The following RASEF variants were observed in gnomAD, a reference collection of about 807,000 sequenced individuals.
RASEF encodes ras and EF-hand domain-containing protein.
In RASEF, 68 loss-of-function variants were observed where a neutral mutation model predicts 90.1. That is an observed-to-expected ratio of 0.75 (90% CI 0.62 to 0.92). RASEF has a LOEUF of 0.92. RASEF is among the 40% of genes least tolerant of loss of function. The pLI is 0.00. For synonymous variants in RASEF, 331 were observed against 345.2 expected, an observed-to-expected ratio of 0.96 and a Z score of 0.46; for missense variants, 949 against 937.2, an observed-to-expected ratio of 1.01 and a Z score of -0.16.
the RASEF span, among the ~76,000 whole-genome samples, chr9:83,128,710 C>A: frequency 6.6e-6 from 1 of 152,110 alleles, no homozygotes; most frequent in Non-Finnish European, 1.5e-5. Context: ...AACTCAGGAA[C>A]CACCAAACGT....
chr9:83,176,306 C>G, the RASEF span, among the ~76,000 whole-genome samples: 1 of 152,156 alleles, frequency 6.6e-6, no homozygotes, highest in Admixed American at 6.5e-5. Context: ...TTAGTCTAGC[C>G]ACTCTAGCTT....
chr9:83,048,239 G>A (rs1829968341), intron 1 of RASEF: 2 of 985,352 alleles, frequency 2.0e-6, no homozygotes, highest in Non-Finnish European at 2.4e-6. Flanking sequence ...ATTGATGCTG[G>A]ACTACAAAAG....
At chr9:82,991,917 C>T (rs758040457) in intron 15 of RASEF, among the ~76,000 whole-genome samples, 2 of 152,150 alleles carry the variant, frequency 1.3e-5, no homozygotes, top group African/African-American at 4.8e-5. Context: ...GTAAACAATA[C>T]GAGGGCAAGG....
chr9:83,198,947 A>G, the RASEF span, among the ~76,000 whole-genome samples: 1 of 152,332 alleles, frequency 6.6e-6, no homozygotes, highest in African/African-American at 2.4e-5. Context: ...AACTGCCACA[A>G]AAGCCACTCT....
chr9:83,016,068 C>T (rs943544881), intron 3 of RASEF, among the ~76,000 whole-genome samples, 168 bp from the exon 4 acceptor site: 4 of 152,074 alleles, frequency 2.6e-5, no homozygotes, highest in African/African-American at 7.2e-5. Flanking sequence ...TCAGATGTAC[C>T]ACAATTTTGG....
chr9:83,116,540 A>T, the RASEF span, among the ~76,000 whole-genome samples: 1 of 152,200 alleles, frequency 6.6e-6, no homozygotes, highest in Non-Finnish European at 1.5e-5. Flanking sequence ...AGAAGGGTAT[A>T]ATCAAAGTAG....
the RASEF span, among the ~76,000 whole-genome samples, chr9:83,162,891 T>C: frequency 6.6e-6 from 1 of 152,218 alleles, no homozygotes; most frequent in Admixed American, 6.5e-5. Flanking sequence ...CACACATGGT[T>C]GAACTTTACC....
rs751669186 is a variant in RASEF at position 82,997,016 on chromosome 9, A to G, written c.1916T>C (p.Ile639Thr). ...TTCTCCATTATGATTTCTTACCTCA[A>G]TCATATCTACCCATTCTCGTATGTT... The part of the protein sequence containing the change: ...FLNIREWVDM[I>T]EDAAHETVPI... Residue 639 changes from isoleucine (I) to threonine (T), a missense_variant, in exon 14 of 17, where the codon ATT (isoleucine) becomes ACT (threonine). Physicochemically the swap from Ile to Thr is moderately conservative, Grantham distance 89. Transcript: ENST00000376447. 7.0e-6 allele frequency: 11 copies of G among 1,568,080 alleles called. No individual in the cohort carries two copies. Among genetic ancestry groups the G allele is most frequent in the East Asian group, 2.2e-5 (1 of 44,640 alleles).
chr9:82,991,775 G>T (rs1177737617), intron 15 of RASEF, among the ~76,000 whole-genome samples: 1 of 152,194 alleles, frequency 6.6e-6, no homozygotes, highest in Non-Finnish European at 1.5e-5. Context: ...AGCAAACTTT[G>T]GGAACTCTGC....
chr9:83,007,457 C>T lies in RASEF; in HGVS notation c.1008G>A (p.Glu336=). 1 of 1,612,628 alleles carries T rather than the reference C, an allele frequency of 6.2e-7. No homozygotes were observed. Among genetic ancestry groups the T allele is most frequent in the Non-Finnish European group, 8.5e-7 (1 of 1,178,618 alleles). Residue 336 remains glutamate (E), a synonymous_variant, in exon 7 of 17, where the codon GAG becomes GAA. Transcript: ENST00000376447. ...CTTACTGGAGTATTTCAATTTGCCT[C>T]TCAAGACTATTTCGATCTTCTGTGT... ...RAYTEDRNSL[E]RQIEILQTAN...
At chr9:83,193,445 A>G in the RASEF span, among the ~76,000 whole-genome samples, 1 of 152,222 alleles carries the variant, frequency 6.6e-6, no homozygotes, top group Non-Finnish European at 1.5e-5. Flanking sequence ...TTTTATGCAG[A>G]AAATTAGAAT....
At position 83,000,220 on chromosome 9, in the gene RASEF, G is replaced by A. The variant is rs2118440614; in HGVS notation, c.1672C>T (p.Leu558Phe). 1 of 1,613,974 alleles carries A rather than the reference G, an allele frequency of 6.2e-7. No individual in the cohort carries two copies. Among genetic ancestry groups the A allele is most frequent in the Non-Finnish European group, 8.5e-7 (1 of 1,179,964 alleles). The change falls in exon 12 of 17, where the codon CTC (leucine) becomes TTC (phenylalanine). Residue 558 changes from leucine to phenylalanine, a missense_variant. Transcript: ENST00000376447. Reference protein sequence around the residue: ...GDAAVGKSSFLMRLCKNEFRE... With the variant: ...GDAAVGKSSFFMRLCKNEFRE... ...AATTCATTCTTGCAAAGTCTCATGA[G>A]GAAACTAGACTTCCCCACTGCAGCG...
At chr9:83,035,826 C>T (rs932901550) in intron 1 of RASEF, among the ~76,000 whole-genome samples, 44 of 152,118 alleles carry the variant, frequency 2.9e-4, no homozygotes, top group African/African-American at 1.0e-3. Context: ...CATCTGTCAC[C>T]TTCCCAGATT....
At chr9:83,018,635 T>C (rs551096878) in intron 3 of RASEF, among the ~76,000 whole-genome samples, 16 of 152,000 alleles carry the variant, frequency 1.1e-4, no homozygotes, top group African/African-American at 3.6e-4. Flanking sequence ...GCAAAACAAC[T>C]TTTAAAAAAG....
At chr9:83,039,844 G>C (rs1057347765) in intron 1 of RASEF, among the ~76,000 whole-genome samples, 8 of 152,116 alleles carry the variant, frequency 5.3e-5, no homozygotes, top group African/African-American at 1.9e-4. Context: ...CTGGTATCTG[G>C]AACTATTTCT....
At chr9:83,155,976 G>A in the RASEF span, among the ~76,000 whole-genome samples, 1 of 152,124 alleles carries the variant, frequency 6.6e-6, no homozygotes, top group Admixed American at 6.6e-5. Context: ...TCACTTAATA[G>A]TTATATGGCC....
chr9:83,208,986 C>T, the RASEF span, among the ~76,000 whole-genome samples: 1 of 152,218 alleles, frequency 6.6e-6, no homozygotes, highest in Non-Finnish European at 1.5e-5. Context: ...CAATTTATAA[C>T]ATGACTCAGC....
chr9:82,979,789 T>C lies in RASEF; in HGVS notation c.*2888A>G, dbSNP rs1164785900. The C allele has an allele frequency of 6.6e-6, 1 of 152,194 alleles. No individual in the cohort carries two copies. The highest frequency in any genetic ancestry group is 1.5e-5 in the Non-Finnish European group (1 of 68,036). 9.4% of individuals were successfully genotyped at this position (152,194 alleles called of 1,614,324 possible). The stretch of plus-strand genomic sequence containing the variant: ...AAATCATAAAACAATTATTCAATAC[T>C]CAGAGGCCTACTTAATATATACATA... On this transcript the variant is annotated 3_prime_UTR_variant, in exon 17 of 17. Transcript: ENST00000376447.
At position 82,994,483 on chromosome 9, in the gene RASEF, G is replaced by C. The variant is rs114148906; in HGVS notation, c.1921-1458C>G. On this transcript the variant is annotated intron_variant, in intron 14 of 16. Coordinates refer to ENST00000376447, the MANE Select transcript of RASEF (RefSeq NM_152573.4). Reference sequence around the variant, plus strand: ...CTTTTAACCTGCTCTCGTTTTGTTTGTATAACATTATCACCTTCTACCATA... The same window carrying C: ...CTTTTAACCTGCTCTCGTTTTGTTTCTATAACATTATCACCTTCTACCATA... Among the ~76,000 whole-genome samples the C allele has an allele frequency of 6.6e-3, 1,009 of 152,166 alleles. 14 individuals are homozygous for C. The highest frequency in any genetic ancestry group is 0.024 in the African/African-American group (980 of 41,518).
Sources: allele counts gnomAD v4.1 joint callset (sites outside exome capture counted in the v4.1 genomes callset), GRCh38; gene constraint gnomAD v4.1.1; transcripts MANE v1.5; gene names NCBI Gene and HGNC (gene_info 2026-07-23, HGNC 2026-07-21).